Variants in PITPNB observed in about 807,000 individuals in gnomAD.
PITPNB encodes the protein phosphatidylinositol transfer protein beta.
Under a neutral mutation model 45.9 loss-of-function variants are expected in PITPNB, and 16 were observed. The ratio of observed to expected loss-of-function variants is 0.35; its 90% CI spans 0.24 to 0.53. The LOEUF is 0.53. Among genes scored for constraint, PITPNB ranks in the 20% least tolerant of loss-of-function variants. The pLI, the probability that PITPNB is intolerant of heterozygous loss-of-function variation, is 0.93. For synonymous variants in PITPNB, 112 were observed against 108.9 expected, an observed-to-expected ratio of 1.03 and a Z score of -0.18; for missense variants, 188 against 330.5, an observed-to-expected ratio of 0.57 and a Z score of 3.34.
intron 7 of PITPNB, among the ~76,000 whole-genome samples, chr22:27,874,469 T>C (rs1291314227): frequency 6.6e-6 from 1 of 152,216 alleles, no homozygotes; most frequent in Non-Finnish European, 1.5e-5. Context: ...GCCTCAGTTA[T>C]ATACCACAGG....
At chr22:27,900,212 TA>T (rs71316826) in intron 3 of PITPNB, among the ~76,000 whole-genome samples, 27,494 of 114,378 alleles carry the variant, frequency 0.24, 2,555 homozygotes, top group South Asian at 0.31. Flanking sequence ...AAATAAAAAA[TA>T]AAAAAAAAAA....
intron 8 of PITPNB, 173 bp from the exon 9 acceptor site, chr22:27,860,414 C>A: frequency 1.9e-6 from 1 of 527,154 alleles, no homozygotes; most frequent in Non-Finnish European, 3.4e-6. Flanking sequence ...GCAGTATTCC[C>A]CTGCTGTAAA....
intron 9 of PITPNB, 95 bp from the exon 10 acceptor site, chr22:27,858,604 TAC>T: frequency 1.1e-6 from 1 of 927,212 alleles, no homozygotes; most frequent in Non-Finnish European, 1.6e-6. Flanking sequence ...CCATGAAATT[TAC>T]ACATTTGGTT....
At chr22:27,908,247 G>A (rs1935819989) in intron 3 of PITPNB, among the ~76,000 whole-genome samples, 1 of 140,266 alleles carries the variant, frequency 7.1e-6, no homozygotes, top group East Asian at 2.5e-4. Context: ...AGTGGGATAT[G>A]GGTGATTTAA....
At chr22:27,879,212 G>T (rs751052267) in intron 7 of PITPNB, among the ~76,000 whole-genome samples, 3 of 152,130 alleles carry the variant, frequency 2.0e-5, no homozygotes, top group Non-Finnish European at 4.4e-5. Context: ...TGTTTATGGA[G>T]GCAGACTCCT....
intron 8 of PITPNB, among the ~76,000 whole-genome samples, chr22:27,871,882 T>C (rs2095052061): frequency 6.6e-6 from 1 of 152,036 alleles, no homozygotes; most frequent in African/African-American, 2.4e-5. Context: ...TGGTGATAAG[T>C]GAGCTCTCAC....
At chr22:27,887,207 G>T (rs17480313) in intron 7 of PITPNB, among the ~76,000 whole-genome samples, 4,177 of 152,284 alleles carry the variant, frequency 0.027, 60 homozygotes, top group Non-Finnish European at 0.032. Flanking sequence ...AAACACAGGC[G>T]CATTAGAGGA....
intron 2 of PITPNB, among the ~76,000 whole-genome samples, chr22:27,912,092 A>G (rs1935944383): frequency 6.6e-6 from 1 of 152,230 alleles, no homozygotes; most frequent in Non-Finnish European, 1.5e-5. Context: ...CTTTATAAGC[A>G]TATTTTCAAA....
At chr22:27,874,074 G>A (rs1934748693) in intron 7 of PITPNB, among the ~76,000 whole-genome samples, 1 of 152,192 alleles carries the variant, frequency 6.6e-6, no homozygotes. Context: ...CATTCTGACT[G>A]GTTACTGGAC....
At chr22:27,871,901 C>T (rs1934671784) in intron 8 of PITPNB, among the ~76,000 whole-genome samples, 1 of 151,998 alleles carries the variant, frequency 6.6e-6, no homozygotes, top group South Asian at 2.1e-4. Context: ...ACTCTGAGTT[C>T]ACACGAGATC....
intron 7 of PITPNB, among the ~76,000 whole-genome samples, chr22:27,885,084 T>G (rs543296287): frequency 2.6e-4 from 39 of 151,200 alleles, no homozygotes; most frequent in Non-Finnish European, 5.5e-4. Context: ...GTTAATCGTG[T>G]GTATACTTCA....
chr22:27,909,108 C>T (rs1273199990), intron 3 of PITPNB, among the ~76,000 whole-genome samples: 1 of 150,526 alleles, frequency 6.6e-6, no homozygotes, highest in Non-Finnish European at 1.5e-5. Context: ...AGAATAGAGG[C>T]AAAAGATCCC....
intron 7 of PITPNB, among the ~76,000 whole-genome samples, chr22:27,880,725 C>G (rs948086399): frequency 6.6e-6 from 1 of 151,988 alleles, no homozygotes; most frequent in African/African-American, 2.4e-5. Flanking sequence ...CAGGTTCAAG[C>G]GATTCTTCTG....
At chr22:27,882,454 T>G (rs896320675) in intron 7 of PITPNB, among the ~76,000 whole-genome samples, 2 of 152,228 alleles carry the variant, frequency 1.3e-5, no homozygotes, top group African/African-American at 4.8e-5. Context: ...CAGGACACTG[T>G]TCTTACTACC....
chr22:27,898,871 C>G, intron 3 of PITPNB, among the ~76,000 whole-genome samples: 1 of 152,174 alleles, frequency 6.6e-6, no homozygotes, highest in Middle Eastern at 3.2e-3. Flanking sequence ...AGGCCCATTA[C>G]AAATAGAAAA....
chr22:27,894,496 T>C (rs960959468), intron 7 of PITPNB, 59 bp downstream of exon 7: 3 of 917,616 alleles, frequency 3.3e-6, no homozygotes, highest in East Asian at 2.4e-5. Flanking sequence ...AATGTGATAG[T>C]AGAAAATAAT....
At chr22:27,899,407 C>T (rs1477655737) in intron 3 of PITPNB, among the ~76,000 whole-genome samples, 1 of 152,180 alleles carries the variant, frequency 6.6e-6, no homozygotes, top group East Asian at 1.9e-4. Flanking sequence ...TCACTGCAAG[C>T]TCCACTTTGG....
In PITPNB at chr22:27,853,568, C is replaced by G; in HGVS notation, c.*134G>C. 1 of 1,471,124 alleles carries G rather than the reference C, an allele frequency of 6.8e-7. No homozygotes were observed. 91.1% of individuals were successfully genotyped at this position (1,471,124 alleles called of 1,614,324 possible). A position where few individuals can be genotyped will look rare whatever the true frequency, so the allele number is the denominator to read the frequency against. On this transcript the variant is annotated 3_prime_UTR_variant, in exon 12 of 12. Transcript: ENST00000335272. The stretch of plus-strand genomic sequence containing the variant: ...ATGTGTGTGTATCATCACAAGCACA[C>G]ATCTGGGAAACGTCAACACTGCAAG...
At chr22:27,900,192 T>A (rs1935552110) in intron 3 of PITPNB, among the ~76,000 whole-genome samples, 1 of 149,462 alleles carries the variant, frequency 6.7e-6, no homozygotes, top group African/African-American at 2.5e-5. Context: ...ATAGCAAGAC[T>A]CTGTCTTTAA....
Sources: allele counts gnomAD v4.1 joint callset (sites outside exome capture counted in the v4.1 genomes callset), GRCh38; gene constraint gnomAD v4.1.1; transcripts MANE v1.5; gene names NCBI Gene and HGNC (gene_info 2026-07-23, HGNC 2026-07-21).